The following PMF1 variants were observed in gnomAD, a reference collection of about 807,000 sequenced individuals.
PMF1 encodes the protein polyamine modulated factor 1.
In PMF1, 21 loss-of-function variants were observed where a neutral mutation model predicts 26.7. That is an observed-to-expected ratio of 0.79 (90% CI 0.56 to 1.13). The LOEUF is 1.13. Among genes scored for constraint, PMF1 ranks in the 50% most tolerant of loss-of-function variants. PMF1 has a pLI of 0.00. For synonymous variants in PMF1, 105 were observed against 101.0 expected (o/e 1.04, Z -0.24); for missense variants, 266 against 254.9 (o/e 1.04, Z -0.30).
intron 1 of PMF1, chr1:156,220,615 G>GAT (rs1658028440): frequency 6.6e-6 from 1 of 151,946 alleles, no homozygotes; most frequent in Admixed American, 6.6e-5. Context: ...ATACTTTGGA[G>GAT]ATATATACAT....
chr1:156,213,909 ATTTATT>A (rs1013161849), intron 1 of PMF1, among the ~76,000 whole-genome samples: 8 of 151,150 alleles, frequency 5.3e-5, no homozygotes, highest in African/African-American at 1.9e-4. Context: ...CTTTTATTTT[ATTTATT>A]TTTATTTTTA....
At position 156,236,415 on chromosome 1, in the gene PMF1, G is replaced by A. The variant is rs141293459; in HGVS notation, c.496G>A (p.Val166Ile). The change falls in exon 4 of 5, where the codon GTC becomes ATC. Residue 166 changes from valine to isoleucine, a missense_variant. Val to Ile is a conservative substitution (Grantham distance 29, BLOSUM62 3). Coordinates refer to ENST00000368277, the MANE Select transcript of PMF1 (RefSeq NM_007221.4). ...EAENQQLADA[V>I]LAGRRQVEEL... is the part of the protein sequence containing the mutation. ...CGAGAACCAGCAGCTGGCAGATGCC[G>A]TCCTGGCAGGGCGGAGGCAGGTGGA... 15 of 1,614,200 alleles carry A rather than the reference G, an allele frequency of 9.3e-6. 1 individual carries two copies. Among genetic ancestry groups the A allele is most frequent in the South Asian group, 6.6e-5 (6 of 91,084 alleles).
intron 1 of PMF1, chr1:156,223,274 A>G (rs1658182672): frequency 1.3e-5 from 2 of 152,228 alleles, no homozygotes; most frequent in African/African-American, 4.8e-5. Flanking sequence ...GTGCTTCCTG[A>G]AGCCACCCTC....
intron 4 of PMF1, among the ~76,000 whole-genome samples, chr1:156,237,893 C>T (rs1312673104): frequency 1.3e-5 from 2 of 151,526 alleles, no homozygotes; most frequent in African/African-American, 4.9e-5. Context: ...CTCAGTCTCC[C>T]GAGTAGCTGG....
chr1:156,227,523 G>A (rs1293583253), intron 1 of PMF1, among the ~76,000 whole-genome samples: 2 of 149,902 alleles, frequency 1.3e-5, no homozygotes, highest in African/African-American at 4.9e-5. Context: ...TTGAGACAGA[G>A]TCTTGCTCTG....
chr1:156,213,296 C>A lies in PMF1; in HGVS notation c.161+120C>A, dbSNP rs561885583. The A allele has an allele frequency of 3.5e-6, 5 of 1,414,258 alleles. No individual in the cohort carries two copies. The African/African-American group carries it at 5.7e-5, about 16-fold the overall frequency. The allele number at this position is 1,414,258 out of a possible 1,614,324, so 87.6% of individuals were successfully genotyped here. On this transcript the variant is annotated intron_variant, in intron 1 of 4. Coordinates refer to ENST00000368277, the MANE Select transcript of PMF1 (RefSeq NM_007221.4). ...GGGTCCGCGTTGGGGGCGGGGCAGT[C>A]GGACGAGGCGACCCAGTCAAATCCT...
intron 1 of PMF1, among the ~76,000 whole-genome samples, chr1:156,228,256 A>AGTTTTTTTTT (rs1658488364): frequency 3.0e-5 from 1 of 33,566 alleles, no homozygotes; most frequent in Non-Finnish European, 5.7e-5. Context: ...GCACCTGGCG[A>AGTTTTTTTTT]TTTTTTTTTT....
At chr1:156,232,169 T>C (rs1572500109) in intron 1 of PMF1, 151 bp from the exon 2 acceptor site, 2 of 696,452 alleles carry the variant, frequency 2.9e-6, no homozygotes, top group East Asian at 5.1e-5. Context: ...GACTCGTGCT[T>C]AGATGAGAGA....
At chr1:156,224,656 C>T (rs1178328352) in intron 1 of PMF1, among the ~76,000 whole-genome samples, 2 of 151,246 alleles carry the variant, frequency 1.3e-5, no homozygotes, top group Non-Finnish European at 2.9e-5. Flanking sequence ...CCCAGCTACT[C>T]GGGAGGCTGA....
chr1:156,229,119 A>G (rs371475325), intron 1 of PMF1, among the ~76,000 whole-genome samples: 40 of 152,206 alleles, frequency 2.6e-4, no homozygotes, highest in African/African-American at 8.9e-4. Flanking sequence ...CATGTTAGCC[A>G]GGATGGTCTC....
chr1:156,216,356 A>G (rs1657698876), intron 1 of PMF1, among the ~76,000 whole-genome samples: 1 of 152,188 alleles, frequency 6.6e-6, no homozygotes, highest in Admixed American at 6.5e-5. Context: ...CCACCATTGC[A>G]TTCTAGCCTG....
chr1:156,231,189 C>A (rs1463307829), intron 1 of PMF1, among the ~76,000 whole-genome samples: 1 of 137,170 alleles, frequency 7.3e-6, no homozygotes, highest in Non-Finnish European at 1.5e-5. Context: ...TGCACTCCAG[C>A]CTGGGCGACA....
intron 1 of PMF1, among the ~76,000 whole-genome samples, chr1:156,228,256 ATTTTTTTTTTTTTTTTTT>A (rs772709878): frequency 1.5e-4 from 5 of 33,564 alleles, no homozygotes; most frequent in African/African-American, 2.1e-4. Context: ...GCACCTGGCG[ATTTTTTTTTTTTTTTTTT>A]TTTTTTTTTT....
chr1:156,229,144 A>G (rs910006149), intron 1 of PMF1, among the ~76,000 whole-genome samples: 37 of 151,982 alleles, frequency 2.4e-4, no homozygotes, highest in African/African-American at 8.4e-4. Context: ...TCCTGACCTC[A>G]TGATCCGCCC....
intron 1 of PMF1, among the ~76,000 whole-genome samples, chr1:156,214,556 A>T (rs1183015801): frequency 6.6e-6 from 1 of 152,176 alleles, no homozygotes; most frequent in Non-Finnish European, 1.5e-5. Context: ...GACGCCAACA[A>T]CATCATCACA....
chr1:156,236,279 G>C lies in PMF1; in HGVS notation c.369-9G>C. 1.9e-6 allele frequency: 3 copies of C among 1,601,184 alleles called. No individual in the cohort carries two copies. Among genetic ancestry groups the C allele is most frequent in the Non-Finnish European group, 2.6e-6 (3 of 1,169,624 alleles). ...TCCTTCATTCCTTGTGCCCCGTGTGGCCCTCCAGGCGCCCCAGCGGGATCC... is the reference window on the plus strand; with the variant it reads ...TCCTTCATTCCTTGTGCCCCGTGTGCCCCTCCAGGCGCCCCAGCGGGATCC... On this transcript the variant is annotated splice_polypyrimidine_tract_variant and intron_variant, in intron 3 of 4. Transcript: ENST00000368277.
At chr1:156,217,248 A>G (rs866318512) in intron 1 of PMF1, among the ~76,000 whole-genome samples, 11 of 65,736 alleles carry the variant, frequency 1.7e-4, no homozygotes, top group African/African-American at 1.2e-3. Flanking sequence ...AAAAAAAAGA[A>G]AAAAAAAAAA....
chr1:156,229,130 C>A (rs557760606), intron 1 of PMF1, among the ~76,000 whole-genome samples: 207 of 151,938 alleles, frequency 1.4e-3, no homozygotes, highest in African/African-American at 4.8e-3. Context: ...GGATGGTCTC[C>A]ATCTCCTGAC....
At chr1:156,237,446 C>CTTTTT (rs33952725) in intron 4 of PMF1, among the ~76,000 whole-genome samples, 5 of 123,382 alleles carry the variant, frequency 4.1e-5, no homozygotes, top group Non-Finnish European at 4.9e-5. Flanking sequence ...TATTTTTTGT[C>CTTTTT]TTTTTTTTTT....
Sources: gnomAD v4.1 joint callset for allele counts (sites outside exome capture counted in the v4.1 genomes callset) on GRCh38, gnomAD v4.1.1 for gene constraint, MANE v1.5 for transcripts, NCBI Gene and HGNC (gene_info 2026-07-23, HGNC 2026-07-21) for gene names.